Variants in KLRG1 observed in about 807,000 individuals in gnomAD.
KLRG1 encodes the protein killer cell lectin like receptor G1, also known as killer cell lectin-like receptor subfamily G member 1.
In KLRG1, 16 loss-of-function variants were observed where a neutral mutation model predicts 21.8. That is an observed-to-expected ratio of 0.73 (90% confidence interval 0.50 to 1.11). KLRG1 has a LOEUF of 1.11. Among genes scored for constraint, KLRG1 ranks in the 50% most tolerant of loss-of-function variants. The probability of loss-of-function intolerance (pLI) is 0.00; values close to 1 mark genes in which losing one functional copy is unlikely to be tolerated. For synonymous variants in KLRG1, 69 were observed against 75.9 expected (o/e 0.91, Z 0.47); for missense variants, 173 against 218.3 (o/e 0.79, Z 1.31).
chr12:9,068,227 G>GAAA, the KLRG1 span: 4 of 1,305,638 alleles, frequency 3.1e-6, no homozygotes, highest in Admixed American at 4.1e-5. Flanking sequence ...AAACTCATCT[G>GAAA]AAAAAAAAAA....
At chr12:9,043,481 A>G in the KLRG1 span, among the ~76,000 whole-genome samples, 2 of 152,232 alleles carry the variant, frequency 1.3e-5, no homozygotes, top group African/African-American at 4.8e-5. Flanking sequence ...CTCCATTCAC[A>G]TCTGATTTAG....
the KLRG1 span, chr12:9,196,655 CTTG>C: frequency 6.2e-7 from 1 of 1,613,362 alleles, no homozygotes; most frequent in Non-Finnish European, 8.5e-7. Context: ...TTGGTGTGTA[CTTG>C]TTGGGTGATG....
At chr12:9,152,890 T>C in the KLRG1 span, 1 of 1,614,144 alleles carries the variant, frequency 6.2e-7, no homozygotes, top group East Asian at 2.2e-5. Context: ...GGGCACAGTC[T>C]GCACTTTTAA....
the KLRG1 span, chr12:9,027,385 C>G: frequency 2.0e-6 from 1 of 493,744 alleles, no homozygotes; most frequent in Non-Finnish European, 3.8e-6. Context: ...TGCCCATGCA[C>G]ATGAGTATTT....
intron 1 of KLRG1, among the ~76,000 whole-genome samples, chr12:8,966,502 A>G (rs1467207622): frequency 3.9e-5 from 6 of 152,074 alleles, no homozygotes; most frequent in Admixed American, 3.9e-4. Flanking sequence ...GAAAAAAACA[A>G]CCCCATCAAA....
intron 3 of KLRG1, chr12:8,996,642 A>G (rs933649431): frequency 3.3e-5 from 5 of 152,138 alleles, no homozygotes; most frequent in Admixed American, 6.5e-5. Flanking sequence ...GGAATTCCAC[A>G]TAGAATCTAA....
Position 8,951,461 on chromosome 12 carries a change from C to T in KLRG1, c.-156+1225C>T, listed in dbSNP as rs771377360. On this transcript the variant is annotated intron_variant, in intron 1 of 4. Transcript: ENST00000539240. Reference sequence around the variant, plus strand: ...TCCAGCCTTGGTGATAGAGTGAGAACCTATCTCAAAAAGATATGTATGTAT... The same window carrying T: ...TCCAGCCTTGGTGATAGAGTGAGAATCTATCTCAAAAAGATATGTATGTAT... Among the ~76,000 whole-genome samples, 5 of 152,238 alleles carry T rather than the reference C, an allele frequency of 3.3e-5. No individual in the cohort carries two copies. The South Asian group carries it at 8.3e-4, about 25-fold the overall frequency.
chr12:9,110,012 T>C, the KLRG1 span: 5 of 1,612,448 alleles, frequency 3.1e-6, no homozygotes, highest in Admixed American at 3.4e-5. Flanking sequence ...TCTGCCATTG[T>C]GCGATGCGAT....
intron 1 of KLRG1, among the ~76,000 whole-genome samples, chr12:8,956,832 A>C (rs900092550): frequency 3.9e-5 from 6 of 152,218 alleles, no homozygotes; most frequent in African/African-American, 1.4e-4. Context: ...CCCAAGGCAG[A>C]AGCTGCTTGC....
the KLRG1 span, among the ~76,000 whole-genome samples, chr12:9,040,631 C>G: frequency 6.6e-6 from 1 of 152,130 alleles, no homozygotes; most frequent in Admixed American, 6.5e-5. Context: ...TTCAGACTTT[C>G]TGTTTTTATA....
chr12:8,999,764 C>T (rs921787748), intron 3 of KLRG1, among the ~76,000 whole-genome samples: 1 of 152,152 alleles, frequency 6.6e-6, no homozygotes, highest in Non-Finnish European at 1.5e-5. Flanking sequence ...ACTGTCCGGG[C>T]GTGGTGGCTC....
chr12:8,960,700 C>T (rs1338313496), intron 1 of KLRG1, among the ~76,000 whole-genome samples: 1 of 152,162 alleles, frequency 6.6e-6, no homozygotes, highest in Non-Finnish European at 1.5e-5. Context: ...AGTGAACAGC[C>T]TTAGAATACA....
At chr12:9,129,436 T>C in the KLRG1 span, among the ~76,000 whole-genome samples, 1 of 152,090 alleles carries the variant, frequency 6.6e-6, no homozygotes, top group African/African-American at 2.4e-5. Flanking sequence ...ATACTTATTA[T>C]AAAATATATA....
chr12:9,184,466 A>G, the KLRG1 span, among the ~76,000 whole-genome samples: 8 of 152,252 alleles, frequency 5.3e-5, no homozygotes, highest in Admixed American at 2.0e-4. Flanking sequence ...GGATCCCCCA[A>G]TCCCCTGAGT....
chr12:9,067,984 C>G, the KLRG1 span: 1 of 981,272 alleles, frequency 1.0e-6, no homozygotes, highest in Non-Finnish European at 1.6e-6. Context: ...AATCATTACC[C>G]ATAAGCAATC....
chr12:8,955,375 ATTTTTTTTT>A (rs61263683), intron 1 of KLRG1, among the ~76,000 whole-genome samples: 17 of 71,326 alleles, frequency 2.4e-4, no homozygotes, highest in African/African-American at 7.1e-4. Context: ...TATTGCTCTG[ATTTTTTTTT>A]TTTTTTTTTT....
intron 1 of KLRG1, among the ~76,000 whole-genome samples, chr12:8,954,846 T>C (rs1014235256): frequency 6.6e-6 from 1 of 152,164 alleles, no homozygotes; most frequent in African/African-American, 2.4e-5. Flanking sequence ...CTAGTAAGAG[T>C]TCCATATTTG....
At chr12:9,032,045 AG>A in the KLRG1 span, among the ~76,000 whole-genome samples, 15 of 152,236 alleles carry the variant, frequency 9.9e-5, no homozygotes, top group African/African-American at 3.6e-4. Context: ...AGACACACGC[AG>A]AAGTAATACT....
chr12:9,208,562 G>A, the KLRG1 span, among the ~76,000 whole-genome samples: 8 of 152,218 alleles, frequency 5.3e-5, no homozygotes, highest in South Asian at 1.7e-3. Flanking sequence ...AGGTACTGAG[G>A]CATGTCTGGA....
Sources: gnomAD v4.1 joint callset for allele counts (sites outside exome capture counted in the v4.1 genomes callset) on GRCh38, gnomAD v4.1.1 for gene constraint, MANE v1.5 for transcripts, NCBI Gene and HGNC (gene_info 2026-07-23, HGNC 2026-07-21) for gene names.